Variants in PRKRIP1 observed in about 807,000 individuals in gnomAD.
The protein encoded by PRKRIP1 is PRKR-interacting protein 1.
PRKRIP1 carries 29 observed loss-of-function variants against 29.3 expected under a neutral mutation model. The observed-to-expected ratio is 0.99, with a 90% confidence interval of 0.74 to 1.35. The LOEUF (loss-of-function observed/expected upper bound fraction) is 1.35, where lower values mean the gene tolerates loss of function less well. Ranked by LOEUF, PRKRIP1 falls within the 40% of genes most tolerant of loss-of-function variation. PRKRIP1 has a pLI of 0.00. For synonymous variants in PRKRIP1, 90 were observed against 85.1 expected (o/e 1.06, Z -0.32); for missense variants, 247 against 236.8 (o/e 1.04, Z -0.28).
Position 102,425,503 on chromosome 7 carries a change from G to C in PRKRIP1, c.*392G>C. 3.3e-6 allele frequency: 1 copy of C among 300,320 alleles called. No individual in the cohort carries two copies. Among genetic ancestry groups the C allele is most frequent in the Admixed American group, 5.2e-5 (1 of 19,152 alleles). 18.6% of individuals were successfully genotyped at this position (300,320 alleles called of 1,614,324 possible). ...TCGCAAACACTCTGGAGAAGGCTGA[G>C]ATGCCACCATTCCCACGGGGACTGA... On this transcript the variant is annotated 3_prime_UTR_variant, in exon 6 of 6. Transcript: ENST00000397912.
intron 3 of PRKRIP1, among the ~76,000 whole-genome samples, chr7:102,401,194 C>T (rs1011534612): frequency 2.0e-5 from 3 of 152,050 alleles, no homozygotes; most frequent in Admixed American, 1.3e-4. Context: ...GCTGGGAAGA[C>T]ATAATACAGT....
At chr7:102,406,402 T>G (rs1397964751) in intron 4 of PRKRIP1, among the ~76,000 whole-genome samples, 1 of 152,110 alleles carries the variant, frequency 6.6e-6, no homozygotes, top group Non-Finnish European at 1.5e-5. Context: ...GATCGAGAAA[T>G]GGTTCATTGT....
chr7:102,412,882 T>C (rs1315415028), intron 5 of PRKRIP1, among the ~76,000 whole-genome samples: 1 of 152,220 alleles, frequency 6.6e-6, no homozygotes, highest in Non-Finnish European at 1.5e-5. Context: ...GTGGGACTTG[T>C]GTCTGAAATG....
intron 2 of PRKRIP1, among the ~76,000 whole-genome samples, chr7:102,398,203 A>G (rs538772518): frequency 1.3e-5 from 2 of 152,278 alleles, no homozygotes; most frequent in South Asian, 4.1e-4. Flanking sequence ...TGGTAAATTT[A>G]GCTTAAGGGC....
Position 102,396,384 on chromosome 7 carries a change from C to T in PRKRIP1, c.-28C>T, listed in dbSNP as rs782195066. The T allele has an allele frequency of 1.3e-5, 19 of 1,510,160 alleles. No individual in the cohort carries two copies. The highest frequency in any genetic ancestry group is 1.6e-5 in the Non-Finnish European group (18 of 1,135,212). The allele number at this position is 1,510,160 out of a possible 1,614,324, so 93.5% of individuals were successfully genotyped here. A position where few individuals can be genotyped will look rare whatever the true frequency, so the allele number is the denominator to read the frequency against. ...CGTCATACTTGCGCGCCGACGCCGC[C>T]GCTCGCTTGTGAAACTGGAAGGCTG... On this transcript the variant is annotated 5_prime_UTR_variant, in exon 1 of 6. Coordinates refer to ENST00000397912, the MANE Select transcript of PRKRIP1 (RefSeq NM_024653.4).
chr7:102,423,979 A>C (rs1201673179), intron 5 of PRKRIP1, among the ~76,000 whole-genome samples: 2 of 152,338 alleles, frequency 1.3e-5, no homozygotes, highest in East Asian at 3.9e-4. Context: ...TTGAACTTTC[A>C]AAGCTAATCA....
intron 3 of PRKRIP1, among the ~76,000 whole-genome samples, chr7:102,400,380 A>G (rs946184471): frequency 6.6e-6 from 1 of 152,216 alleles, no homozygotes; most frequent in East Asian, 1.9e-4. Context: ...ATAAAAAGGA[A>G]CAAACTACTG....
At chr7:102,403,979 A>G (rs913871627) in intron 3 of PRKRIP1, among the ~76,000 whole-genome samples, 2 of 152,188 alleles carry the variant, frequency 1.3e-5, no homozygotes, top group Non-Finnish European at 2.9e-5. Context: ...AGCCTGGACA[A>G]CATAGCCAGA....
At chr7:102,417,011 A>T (rs1333502859) in intron 5 of PRKRIP1, among the ~76,000 whole-genome samples, 1 of 149,830 alleles carries the variant, frequency 6.7e-6, no homozygotes, top group Non-Finnish European at 1.5e-5. Context: ...ACCCACCACC[A>T]CTCCCGGCTA....
At chr7:102,397,313 C>T (rs960648139) in intron 1 of PRKRIP1, among the ~76,000 whole-genome samples, 2 of 152,060 alleles carry the variant, frequency 1.3e-5, no homozygotes, top group Admixed American at 1.3e-4. Flanking sequence ...GGAGGCCAGG[C>T]GGGAGGATGG....
intron 5 of PRKRIP1, among the ~76,000 whole-genome samples, chr7:102,415,886 C>A (rs182368512): frequency 1.3e-5 from 2 of 152,274 alleles, no homozygotes; most frequent in Non-Finnish European, 2.9e-5. Context: ...TGGCCCCTTC[C>A]GGTCTCCACC....
At position 102,398,155 on chromosome 7, in the gene PRKRIP1, G is replaced by A. The variant is rs536885192; in HGVS notation, c.205+457G>A. Among the ~76,000 whole-genome samples the A allele has an allele frequency of 9.9e-5, 15 of 152,284 alleles. No individual in the cohort carries two copies. In the East Asian group the frequency reaches 2.1e-3, roughly 22 times the overall value. ...GTTCGTGTTTTGCTTTTACAATGAC[G>A]GGGATATAGTTGCTTTTATTTGTTT... On this transcript the variant is annotated intron_variant, in intron 2 of 5. Transcript: ENST00000397912.
intron 3 of PRKRIP1, among the ~76,000 whole-genome samples, chr7:102,401,398 G>C (rs1796066678): frequency 6.6e-6 from 1 of 152,164 alleles, no homozygotes; most frequent in Non-Finnish European, 1.5e-5. Flanking sequence ...AAGAAAATAT[G>C]TAAGAATTTA....
intron 5 of PRKRIP1, among the ~76,000 whole-genome samples, chr7:102,419,843 T>G (rs1057435175): frequency 7.5e-6 from 1 of 133,536 alleles, no homozygotes; most frequent in African/African-American, 2.8e-5. Context: ...TTTTTTGTGT[T>G]TTTGTGTGTG....
chr7:102,404,015 A>T (rs1219082189), intron 3 of PRKRIP1, among the ~76,000 whole-genome samples: 5 of 152,128 alleles, frequency 3.3e-5, no homozygotes, highest in Admixed American at 3.3e-4. Context: ...TAAACATAAA[A>T]ATTAGCCAGA....
At chr7:102,424,466 G>A (rs918746417) in intron 5 of PRKRIP1, among the ~76,000 whole-genome samples, 6 of 152,234 alleles carry the variant, frequency 3.9e-5, no homozygotes, top group Non-Finnish European at 7.3e-5. Context: ...CCTCATGCTC[G>A]GCTTCTGGCT....
intron 3 of PRKRIP1, among the ~76,000 whole-genome samples, chr7:102,400,747 T>A (rs907004834): frequency 6.6e-6 from 1 of 152,298 alleles, no homozygotes; most frequent in Non-Finnish European, 1.5e-5. Context: ...GTGGTTCTCC[T>A]GCCTCAGCTT....
At chr7:102,398,896 G>A (rs1340437582) in intron 2 of PRKRIP1, among the ~76,000 whole-genome samples, 4 of 152,116 alleles carry the variant, frequency 2.6e-5, no homozygotes, top group Non-Finnish European at 4.4e-5. Context: ...TTGGGAGGCC[G>A]AGACAGGAGA....
rs782661096 is a variant in PRKRIP1 at position 102,399,676 on chromosome 7, C to T, written c.306+28C>T. 141 of 1,553,878 alleles carry T rather than the reference C, an allele frequency of 9.1e-5. No homozygotes were observed. In the East Asian group the frequency reaches 2.9e-3, roughly 32 times the overall value. On this transcript the variant is annotated intron_variant, in intron 3 of 5. Transcript: ENST00000397912. The stretch of plus-strand genomic sequence containing the variant: ...CAGTGAGCCAGAAGGCTGGCTGAGC[C>T]CCCATGTTTGGGCAGTGTGCGTGTA...
Sources: allele counts gnomAD v4.1 joint callset (sites outside exome capture counted in the v4.1 genomes callset), GRCh38; gene constraint gnomAD v4.1.1; transcripts MANE v1.5; gene names NCBI Gene and HGNC (gene_info 2026-07-23, HGNC 2026-07-21).